DISP3: variants seen among roughly 807,000 people sequenced by gnomAD.
The protein encoded by DISP3 is protein dispatched homolog 3.
In DISP3, 101 loss-of-function variants were observed where a neutral mutation model predicts 135.3. That is an observed-to-expected ratio of 0.75 (90% CI 0.64 to 0.88). The LOEUF (loss-of-function observed/expected upper bound fraction) is 0.88. DISP3 is among the 40% of genes least tolerant of loss of function. The pLI, the probability that DISP3 is intolerant of heterozygous loss-of-function variation, is 0.00. For synonymous variants in DISP3, 856 were observed against 817.0 expected (o/e 1.05, Z -0.81); for missense variants, 1,713 against 1,878.6 (o/e 0.91, Z 1.63).
At position 11,520,112 on chromosome 1, in the gene DISP3, T is replaced by C. The variant is rs1642140836; in HGVS notation, c.2200+232T>C. Among the ~76,000 whole-genome samples the C allele has an allele frequency of 6.6e-6, 1 of 152,196 alleles. No homozygotes were observed. Among genetic ancestry groups the C allele is most frequent in the Non-Finnish European group, 1.5e-5 (1 of 68,032 alleles). On this transcript the variant is annotated intron_variant, in intron 9 of 20. Transcript: ENST00000294484. The surrounding 1 kb of genome is among the most constrained non-coding windows in gnomAD (Gnocchi z 4.8). The stretch of plus-strand genomic sequence containing the variant: ...TCACACTGGGCAGTAGCACAGAGCA[T>C]GCCACACATGGGCCCTGGAGTTAGA...
rs1418905861 is a variant in DISP3 at position 11,519,459 on chromosome 1, A to G, written c.1994A>G (p.Tyr665Cys). 6.2e-7 allele frequency: 1 copy of G among 1,613,660 alleles called. No individual in the cohort carries two copies. The highest frequency in any genetic ancestry group is 8.5e-7 in the Non-Finnish European group (1 of 1,179,998). The change falls in exon 8 of 21, where the codon TAC becomes TGC. Residue 665 changes from tyrosine to cysteine, a missense_variant. Transcript: ENST00000294484. The surrounding 1 kb of genome is among the most constrained non-coding windows in gnomAD (Gnocchi z 4.3). ...GGSPAQGPIP[Y>C]LDDDIPLLEV... ...AGCCCTGCCCAGGGCCCCATACCCT[A>G]CCTGGATGATGACATCCCCTTGCTG...
chr1:11,494,018 G>C (rs561155486), intron 1 of DISP3, among the ~76,000 whole-genome samples: 2 of 152,184 alleles, frequency 1.3e-5, no homozygotes, highest in Non-Finnish European at 2.9e-5. Context: ...TCTTCAACAA[G>C]TACTGACATA....
At position 11,500,983 on chromosome 1, in the gene DISP3, C is replaced by T. The variant is rs1641491013; in HGVS notation, c.-3-7C>T. On this transcript the variant is annotated splice_polypyrimidine_tract_variant and splice_region_variant and intron_variant, in intron 1 of 20. Transcript: ENST00000294484. ...TCTAGCCTGCTGACCCTCTCCCTCT[C>T]CTGCAGACTATGGACACGGAGGATG... The T allele has an allele frequency of 6.2e-7, 1 of 1,613,464 alleles. No homozygotes were observed.
intron 13 of DISP3, among the ~76,000 whole-genome samples, chr1:11,528,022 C>T (rs961575760): frequency 1.3e-5 from 2 of 152,180 alleles, no homozygotes; most frequent in Admixed American, 6.5e-5. Flanking sequence ...TTTGGTGCCG[C>T]CTCCCCAGCA....
Position 11,531,111 on chromosome 1 carries a change from TAGAC to T in DISP3, c.3229+81_3229+84del, listed in dbSNP as rs775207865. On this transcript the variant is annotated intron_variant, in intron 16 of 20. Transcript: ENST00000294484. This position sits in a 1 kb window ranked among gnomAD's most constrained non-coding sequence, Gnocchi z 5.2. ...GAGGCACAGAGGCCGTGGTCCAAGG[TAGAC>T]AGCCCGAAGGACAGTGTCTGGCATG... 206 of 1,585,966 alleles carry T rather than the reference TAGAC, an allele frequency of 1.3e-4. No homozygotes were observed. In the Middle Eastern group the frequency reaches 2.2e-3, roughly 17 times the overall value.
At chr1:11,515,957 ACAG>A in intron 5 of DISP3, 41 bp from the exon 6 acceptor site, 1 of 1,600,278 alleles carries the variant, frequency 6.2e-7, no homozygotes, top group Non-Finnish European at 8.5e-7. Flanking sequence ...AATCCTGGAG[ACAG>A]CAGAATAATC....
At chr1:11,522,501 G>T (rs1432055652) in intron 10 of DISP3, among the ~76,000 whole-genome samples, 1 of 151,134 alleles carries the variant, frequency 6.6e-6, no homozygotes, top group African/African-American at 2.4e-5. Context: ...GACAAACCCC[G>T]AAGCTCCCTG....
chr1:11,489,912 T>C (rs1641136473), intron 1 of DISP3, among the ~76,000 whole-genome samples: 1 of 152,162 alleles, frequency 6.6e-6, no homozygotes, highest in Non-Finnish European at 1.5e-5. Flanking sequence ...AAAAGGGCCC[T>C]GAGCTCATCA....
At position 11,524,064 on chromosome 1, in the gene DISP3, T is replaced by G; in HGVS notation, c.2476+9T>G. The G allele has an allele frequency of 1.9e-6, 3 of 1,583,200 alleles. No homozygotes were observed. The highest frequency in any genetic ancestry group is 2.7e-5 in the African/African-American group (2 of 74,248). ...TGAGGCCACCCTGCAGGGTGAGCACTGGGGGTGGAGGGTGGGGAAATCCTC... is the reference window on the plus strand; with the variant it reads ...TGAGGCCACCCTGCAGGGTGAGCACGGGGGGTGGAGGGTGGGGAAATCCTC... On this transcript the variant is annotated intron_variant, in intron 11 of 20. Transcript: ENST00000294484.
rs373580573 is a variant in DISP3, at chr1:11,515,457, C to T, written c.1542C>T (p.Tyr514=). The change falls in exon 5 of 21, where the codon TAC becomes TAT. Residue 514 remains tyrosine (Y), a synonymous_variant. Transcript: ENST00000294484. ...FLYHVVFGIQ[Y]LGILNGVAAF... ...ACCACGTGGTCTTTGGTATCCAGTA[C>T]TTGGGCATCCTGAATGGGGTGGCCG... The T allele has an allele frequency of 1.2e-6, 2 of 1,613,106 alleles. No homozygotes were observed. The highest frequency in any genetic ancestry group is 1.7e-6 in the Non-Finnish European group (2 of 1,179,548).
At chr1:11,518,953 C>T (rs1642091035) in intron 7 of DISP3, among the ~76,000 whole-genome samples, 1 of 152,152 alleles carries the variant, frequency 6.6e-6, no homozygotes, top group Admixed American at 6.5e-5. Flanking sequence ...GAGACCTCGG[C>T]CACGCAGCTA....
rs549215001 is a variant in DISP3, at chr1:11,502,078, G to A, written c.1086G>A (p.Ala362=). 1.2e-5 allele frequency: 19 copies of A among 1,553,706 alleles called. No individual in the cohort carries two copies. The highest frequency in any genetic ancestry group is 1.1e-4 in the East Asian group (5 of 44,242). The change falls in exon 2 of 21, where the codon GCG becomes GCA. Residue 362 remains alanine (A), a synonymous_variant. Coordinates refer to ENST00000294484, the MANE Select transcript of DISP3 (RefSeq NM_020780.2). ...IYYDGMGQDL[A]DIRGSLELAM... ...ATGACGGCATGGGCCAGGACCTGGC[G>A]GACATCCGGGGTGAGCCGCCGGGAT... is the stretch of plus-strand genomic sequence containing the variant.
In DISP3 at chr1:11,536,339, C is replaced by T. The variant is rs774564478; in HGVS notation, c.3832C>T (p.Arg1278Cys). 8 of 1,601,760 alleles carry T rather than the reference C, an allele frequency of 5.0e-6. No individual in the cohort carries two copies. Among genetic ancestry groups the T allele is most frequent in the South Asian group, 2.2e-5 (2 of 90,980 alleles). The change falls in exon 21 of 21, where the codon CGC becomes TGC. Residue 1278 changes from arginine to cysteine, a missense_variant. Arg to Cys is a radical substitution (Grantham distance 180). This residue lies in a region of DISP3 where 1,142 missense variants were observed against 1,384.6 expected (regional missense o/e 0.82). Transcript: ENST00000294484. The surrounding 1 kb of genome is among the most constrained non-coding windows in gnomAD (Gnocchi z 4.3). ...TTGCCCCCAGGACGCCCGAACGCAG[C>T]GCCAGTGGCGTACGCTGGAGGCCGT... ...PHQAEDARTQ[R>C]QWRTLEAVRH...
Position 11,517,542 on chromosome 1 carries a change from C to G in DISP3, c.1829C>G (p.Pro610Arg), listed in dbSNP as rs562767045. Residue 610 changes from proline (P) to arginine (R), a missense_variant, in exon 7 of 21, where the codon CCT (proline) becomes CGT (arginine). Pro to Arg is a moderately radical substitution (Grantham distance 103). This residue lies in a region of DISP3 where 1,142 missense variants were observed against 1,384.6 expected (regional missense o/e 0.82). Transcript: ENST00000294484. ...TGGCTGGCCGTGCTTGTCACCATGC[C>G]TGCAGCTCTGGGCCTCTGGAGCCTC... Reference protein sequence around the residue: ...CCWLAVLVTMPAALGLWSLYL... With the variant: ...CCWLAVLVTMRAALGLWSLYL... The G allele has an allele frequency of 6.2e-7, 1 of 1,614,218 alleles. No individual in the cohort carries two copies. Among genetic ancestry groups the G allele is most frequent in the Non-Finnish European group, 8.5e-7 (1 of 1,180,048 alleles).
At chr1:11,487,344 C>T (rs965492235) in intron 1 of DISP3, among the ~76,000 whole-genome samples, 14 of 152,256 alleles carry the variant, frequency 9.2e-5, no homozygotes, top group Admixed American at 2.6e-4. Context: ...ACATGGAGAA[C>T]GGGCAGCTAC....
At position 11,525,292 on chromosome 1, in the gene DISP3, GGAGAGGTGCCCTCCTT is replaced by G; in HGVS notation, c.2594_2609del (p.Gly865AlafsTer15). ...TTGGCAGGCTGTGTCGCCTGGGGAT[GGAGAGGTGCCCTCCTT>G]CCAGGTGAGCCTGGGCTGTCGTGAA... On this transcript the variant is annotated frameshift_variant, in exon 12 of 21. Coordinates refer to ENST00000294484, the MANE Select transcript of DISP3 (RefSeq NM_020780.2). LOFTEE classifies it high-confidence loss of function. The G allele has an allele frequency of 6.2e-7, 1 of 1,613,804 alleles. No homozygotes were observed. Among genetic ancestry groups the G allele is most frequent in the Non-Finnish European group, 8.5e-7 (1 of 1,179,794 alleles).
Position 11,522,959 on chromosome 1 carries a change from A to G in DISP3, c.2363-983A>G, listed in dbSNP as rs878884832. 4.7e-4 allele frequency among the ~76,000 whole-genome samples: 59 copies of G among 125,096 alleles called. 3 individuals are homozygous for G. The highest frequency in any genetic ancestry group is 1.0e-3 in the African/African-American group (33 of 31,644). The allele number at this position is 125,096 out of a possible 152,430, so 82.1% of individuals were successfully genotyped here. A position where few individuals can be genotyped will look rare whatever the true frequency, so the allele number is the denominator to read the frequency against. Reference sequence around the variant, plus strand: ...AGGACCCAGCCAGAGCCCAACCAGGACCCAGCCAGGACCCAGCCGGAGCCC... The same window carrying G: ...AGGACCCAGCCAGAGCCCAACCAGGGCCCAGCCAGGACCCAGCCGGAGCCC... On this transcript the variant is annotated intron_variant, in intron 10 of 20. Transcript: ENST00000294484.
In DISP3 at chr1:11,501,059, G is replaced by A. The variant is rs766613904; in HGVS notation, c.67G>A (p.Ala23Thr). The part of the protein sequence containing the change: ...WLEEEQEEEE[A>T]TGETFLGAQK... Reference sequence around the variant, plus strand: ...AGAGGAGGAGCAGGAGGAGGAAGAAGCAACGGGTGAAACCTTTTTAGGGGC... The same window carrying A: ...AGAGGAGGAGCAGGAGGAGGAAGAAACAACGGGTGAAACCTTTTTAGGGGC... The change falls in exon 2 of 21, where the codon GCA becomes ACA. Residue 23 changes from alanine to threonine, a missense_variant. Around this residue, in one of 2 missense-constraint regions of DISP3, gnomAD observed 571 missense variants for 494.1 expected, o/e 1.16. Transcript: ENST00000294484. This position sits in a 1 kb window ranked among gnomAD's most constrained non-coding sequence, Gnocchi z 4.9. 4.3e-6 allele frequency: 7 copies of A among 1,614,168 alleles called. No individual in the cohort carries two copies. The South Asian group carries it at 6.6e-5, about 15-fold the overall frequency.
In DISP3 at chr1:11,529,673, G is replaced by T; in HGVS notation, c.2916G>T (p.Val972=). The change falls in exon 14 of 21, where the codon GTG becomes GTT. Residue 972 remains valine, a synonymous_variant. Transcript: ENST00000294484. The surrounding 1 kb of genome is among the most constrained non-coding windows in gnomAD (Gnocchi z 4.7). ...GGCCTACCAAAGGCTTCTTCTTCGT[G>T]CCTAGTGAGAAAGGTACGGCAAGGG... ...PDGPTKGFFF[V]PSEKVPKARL... 1 of 1,606,534 alleles carries T rather than the reference G, an allele frequency of 6.2e-7. No homozygotes were observed. The highest frequency in any genetic ancestry group is 8.5e-7 in the Non-Finnish European group (1 of 1,174,154).
Sources: gnomAD v4.1 joint callset for allele counts (sites outside exome capture counted in the v4.1 genomes callset) on GRCh38, gnomAD v4.1.1 for gene constraint, gnomAD v4.1.1 regional missense constraint, Gnocchi (gnomAD v3.1) non-coding constraint, MANE v1.5 for transcripts, NCBI Gene and HGNC (gene_info 2026-07-23, HGNC 2026-07-21) for gene names.